CRISPLD1: variants seen among roughly 807,000 people sequenced by gnomAD.
The protein encoded by CRISPLD1 is cysteine rich secretory protein LCCL domain containing 1.
In CRISPLD1, 60 loss-of-function variants were observed where a neutral mutation model predicts 77.5. The ratio of observed to expected loss-of-function variants is 0.77; its 90% CI spans 0.63 to 0.96. CRISPLD1 has a LOEUF of 0.96. Among genes scored for constraint, CRISPLD1 ranks in the 40% least tolerant of loss-of-function variants. CRISPLD1 has a pLI of 0.00. For synonymous variants in CRISPLD1, 195 were observed against 200.1 expected (o/e 0.97, Z 0.22); for missense variants, 623 against 615.8 (o/e 1.01, Z -0.12).
chr8:74,997,262 T>C (rs566331064), intron 2 of CRISPLD1, among the ~76,000 whole-genome samples: 1 of 152,202 alleles, frequency 6.6e-6, no homozygotes, highest in East Asian at 1.9e-4. Flanking sequence ...GGGGTAAAGA[T>C]GGAGAAGGTG....
At chr8:74,991,103 C>T (rs1462440319) in intron 2 of CRISPLD1, among the ~76,000 whole-genome samples, 1 of 152,044 alleles carries the variant, frequency 6.6e-6, no homozygotes, top group Non-Finnish European at 1.5e-5. Context: ...AGCGATTCTC[C>T]TGCCTTAGCC....
chr8:75,013,162 G>C, intron 4 of CRISPLD1, 140 bp downstream of exon 4: 1 of 608,336 alleles, frequency 1.6e-6, no homozygotes, highest in Non-Finnish European at 2.5e-6. Context: ...TGTTGAATTG[G>C]CTTACAAAGT....
chr8:75,019,235 T>A (rs887820314), intron 10 of CRISPLD1, among the ~76,000 whole-genome samples: 3 of 152,194 alleles, frequency 2.0e-5, no homozygotes, highest in African/African-American at 7.2e-5. Flanking sequence ...AGTTCTGAGC[T>A]AATGTATTCA....
At chr8:74,990,804 A>T (rs1234704296) in intron 2 of CRISPLD1, among the ~76,000 whole-genome samples, 2 of 151,478 alleles carry the variant, frequency 1.3e-5, no homozygotes, top group South Asian at 4.2e-4. Flanking sequence ...AATTGGGCAC[A>T]TCGTTAACTT....
At chr8:74,998,303 G>A (rs1055660298) in intron 2 of CRISPLD1, among the ~76,000 whole-genome samples, 12 of 152,112 alleles carry the variant, frequency 7.9e-5, no homozygotes, top group African/African-American at 2.9e-4. Flanking sequence ...TAGTAGTTTT[G>A]GAGAAATTGC....
At chr8:75,010,620 C>T (rs933191646) in intron 2 of CRISPLD1, among the ~76,000 whole-genome samples, 6 of 152,052 alleles carry the variant, frequency 3.9e-5, no homozygotes, top group Non-Finnish European at 8.8e-5. Flanking sequence ...TTCTGTCATT[C>T]ACACTTGTTA....
At chr8:75,031,002 C>T (rs1352408955) in intron 14 of CRISPLD1, among the ~76,000 whole-genome samples, 1 of 151,898 alleles carries the variant, frequency 6.6e-6, no homozygotes, top group Non-Finnish European at 1.5e-5. Context: ...AATCTCAAAG[C>T]TCAGATTCAG....
At chr8:74,986,849 T>C (rs1004518075) in intron 2 of CRISPLD1, among the ~76,000 whole-genome samples, 8 of 152,352 alleles carry the variant, frequency 5.3e-5, no homozygotes, top group Admixed American at 1.3e-4. Context: ...AGCTTATCCT[T>C]AACAACCTTA....
Position 75,029,421 on chromosome 8 carries a change from G to C in CRISPLD1, c.1355G>C (p.Gly452Ala), listed in dbSNP as rs1813293990. The C allele has an allele frequency of 6.2e-7, 1 of 1,613,520 alleles. No homozygotes were observed. The highest frequency in any genetic ancestry group is 1.7e-5 in the Admixed American group (1 of 59,906). The change falls in exon 14 of 15, where the codon GGA (glycine) becomes GCA (alanine). Residue 452 changes from glycine (G) to alanine (A), a missense_variant. Gly to Ala is a moderately conservative substitution (Grantham distance 60). Coordinates refer to ENST00000262207, the MANE Select transcript of CRISPLD1 (RefSeq NM_031461.6). ...ATCTGCAGAGCAGCAGTACATGCTG[G>C]AGTGGTTCGAAATCACGGTGGTTAT... ...SSICRAAVHA[G>A]VVRNHGGYVD...
intron 12 of CRISPLD1, among the ~76,000 whole-genome samples, chr8:75,025,323 CCTAA>C (rs1003364782): frequency 2.6e-5 from 4 of 151,952 alleles, no homozygotes; most frequent in Non-Finnish European, 5.9e-5. Context: ...TAGAAAGCTT[CCTAA>C]CTAATTTTTT....
intron 2 of CRISPLD1, among the ~76,000 whole-genome samples, chr8:74,989,842 C>A (rs188749865): frequency 1.1e-4 from 17 of 152,208 alleles, no homozygotes; most frequent in Admixed American, 2.6e-4. Context: ...AGAGTTTTCC[C>A]TGGGTTTTCT....
At chr8:75,002,920 T>TA (rs896271020) in intron 2 of CRISPLD1, among the ~76,000 whole-genome samples, 8 of 152,178 alleles carry the variant, frequency 5.3e-5, no homozygotes, top group Non-Finnish European at 7.4e-5. Context: ...AACCATTCTT[T>TA]AAAAAATCAT....
chr8:75,024,320 G>T (rs188833670), intron 12 of CRISPLD1, among the ~76,000 whole-genome samples: 106 of 151,572 alleles, frequency 7.0e-4, no homozygotes, highest in Admixed American at 2.5e-3. Flanking sequence ...TTGTACATTT[G>T]TTGTTGTTGT....
intron 2 of CRISPLD1, among the ~76,000 whole-genome samples, chr8:75,003,493 A>G (rs1812779563): frequency 6.6e-6 from 1 of 152,314 alleles, no homozygotes; most frequent in Non-Finnish European, 1.5e-5. Flanking sequence ...TCATAAGTAC[A>G]TACTGTAGAG....
intron 2 of CRISPLD1, among the ~76,000 whole-genome samples, chr8:74,998,873 A>G (rs1812688459): frequency 6.6e-6 from 1 of 151,756 alleles, no homozygotes; most frequent in Non-Finnish European, 1.5e-5. Context: ...CTTTGGAGAC[A>G]TTTGACTAGG....
chr8:74,985,573 T>C (rs577705624), intron 1 of CRISPLD1, among the ~76,000 whole-genome samples: 2 of 152,322 alleles, frequency 1.3e-5, no homozygotes, highest in Admixed American at 6.5e-5. Context: ...TAGGTAGATA[T>C]AACATCCTTT....
intron 2 of CRISPLD1, among the ~76,000 whole-genome samples, chr8:75,004,083 T>G (rs567081272): frequency 6.6e-6 from 1 of 152,294 alleles, no homozygotes; most frequent in South Asian, 2.1e-4. Flanking sequence ...TAAGCCTTTG[T>G]TTTAGATTTT....
chr8:75,032,794 A>T lies in CRISPLD1; in HGVS notation c.*552A>T, dbSNP rs892498365. 9.9e-5 allele frequency: 15 copies of T among 151,962 alleles called. No individual in the cohort carries two copies. Among genetic ancestry groups the T allele is most frequent in the Non-Finnish European group, 1.5e-4 (10 of 67,858 alleles). 9.4% of individuals were successfully genotyped at this position (151,962 alleles called of 1,614,324 possible). On this transcript the variant is annotated 3_prime_UTR_variant, in exon 15 of 15. Coordinates refer to ENST00000262207, the MANE Select transcript of CRISPLD1 (RefSeq NM_031461.6). Reference sequence around the variant, plus strand: ...ATTAAATTCTGATATTGCACTTCTTATTTTATATAAAATAATCCTTTAATA... The same window carrying T: ...ATTAAATTCTGATATTGCACTTCTTTTTTTATATAAAATAATCCTTTAATA...
chr8:75,027,271 C>T (rs1813250669), intron 13 of CRISPLD1, among the ~76,000 whole-genome samples: 1 of 152,144 alleles, frequency 6.6e-6, no homozygotes, highest in Non-Finnish European at 1.5e-5. Context: ...GGGCTTAGAG[C>T]ACATAGCTAC....
Sources: allele counts gnomAD v4.1 joint callset (sites outside exome capture counted in the v4.1 genomes callset), GRCh38; gene constraint gnomAD v4.1.1; transcripts MANE v1.5; gene names NCBI Gene and HGNC (gene_info 2026-07-23, HGNC 2026-07-21).